DENND2B: variants seen among roughly 807,000 people sequenced by gnomAD.
DENND2B encodes the protein DENN domain containing 2B, also known as DENN domain-containing protein 2B.
DENND2B carries 32 observed loss-of-function variants against 116.0 expected under a neutral mutation model. The ratio of observed to expected loss-of-function variants is 0.28; its 90% CI spans 0.21 to 0.37. The LOEUF (loss-of-function observed/expected upper bound fraction) is 0.37, where lower values mean the gene tolerates loss of function less well. Ranked by LOEUF, DENND2B falls within the 10% of genes least tolerant of loss-of-function variation. The pLI, the probability that DENND2B is intolerant of heterozygous loss-of-function variation, is 1.00. For missense variants in DENND2B, 1,276 were observed against 1,477.7 expected (o/e 0.86, Z 2.24); for synonymous variants, 588 against 583.9 (o/e 1.01, Z -0.10).
At chr11:8,872,483 T>C (rs1397383438), upstream of DENND2B, among the ~76,000 whole-genome samples, 1 of 114,494 alleles carries the variant, frequency 8.7e-6, no homozygotes, top group Non-Finnish European at 1.9e-5. Context: ...TGAGACTCCG[T>C]CTAAAAAAAA....
At chr11:8,855,915 C>T (rs746801053) in intron 3 of DENND2B, among the ~76,000 whole-genome samples, 1 of 152,152 alleles carries the variant, frequency 6.6e-6, no homozygotes, top group African/African-American at 2.4e-5. Flanking sequence ...TAGACAGCTG[C>T]CAGATCTACC....
intron 4 of DENND2B, among the ~76,000 whole-genome samples, chr11:8,724,091 C>T (rs992357157): frequency 1.2e-4 from 18 of 152,102 alleles, no homozygotes; most frequent in African/African-American, 2.2e-4. Context: ...GCCAGGAGAT[C>T]GAGACCATCC....
chr11:8,881,696 T>C (rs1566080735), intron 1 of DENND2B, among the ~76,000 whole-genome samples: 1 of 152,042 alleles, frequency 6.6e-6, no homozygotes, highest in Non-Finnish European at 1.5e-5. Flanking sequence ...GCCATCACAG[T>C]TGGCTGGCTA....
At position 8,730,894 on chromosome 11, in the gene DENND2B, G is replaced by A. The variant is rs200633577; in HGVS notation, c.396C>T (p.Leu132=). 237 of 1,613,912 alleles carry A rather than the reference G, an allele frequency of 1.5e-4. 2 individuals carry two copies. Among genetic ancestry groups the A allele is most frequent in the Admixed American group, 1.4e-3 (86 of 60,012 alleles). ...GGAATGGCGTGCTCTGGGCAAGGGG[G>A]AGGCAGGCAGCGACCCCTGCTACAT... The part of the protein sequence containing the change: ...AQDVAGVAAC[L]PLAQSTPFPG... The change falls in exon 3 of 20, where the codon CTC becomes CTT. Residue 132 remains leucine, a synonymous_variant. Transcript: ENST00000313726. The surrounding 1 kb of genome is among the most constrained non-coding windows in gnomAD (Gnocchi z 4.1).
At chr11:8,741,887 G>A (rs1250160925) in intron 2 of DENND2B, among the ~76,000 whole-genome samples, 1 of 151,364 alleles carries the variant, frequency 6.6e-6, no homozygotes, top group Non-Finnish European at 1.5e-5. Context: ...AAGCCTTGAA[G>A]TCTTTTACTT....
intron 1 of DENND2B, among the ~76,000 whole-genome samples, chr11:8,896,883 A>G (rs191878880): frequency 2.0e-5 from 3 of 152,354 alleles, no homozygotes; most frequent in Non-Finnish European, 2.9e-5. Flanking sequence ...TTATCAGGAT[A>G]TAACTCCTTC....
chr11:8,897,010 G>A (rs1055138667), intron 1 of DENND2B, among the ~76,000 whole-genome samples: 17 of 152,278 alleles, frequency 1.1e-4, no homozygotes, highest in African/African-American at 3.4e-4. Context: ...AGGCCAAGGC[G>A]GGTGGATCAC....
intron 2 of DENND2B, among the ~76,000 whole-genome samples, chr11:8,858,024 T>C (rs768445812): frequency 6.6e-6 from 1 of 152,218 alleles, no homozygotes; most frequent in African/African-American, 2.4e-5. Flanking sequence ...AATTACACAG[T>C]GCATTCATTC....
chr11:8,806,636 A>ACACACACACACACACACACACACC (rs1426363936), intron 1 of DENND2B, among the ~76,000 whole-genome samples: 1 of 151,712 alleles, frequency 6.6e-6, no homozygotes, highest in Non-Finnish European at 1.5e-5. Flanking sequence ...ACACACACAC[A>ACACACACACACACACACACACACC]CACCCAGGAG....
chr11:8,764,013 C>A (rs1331727108), intron 1 of DENND2B, among the ~76,000 whole-genome samples: 2 of 151,976 alleles, frequency 1.3e-5, no homozygotes, highest in Non-Finnish European at 2.9e-5. Flanking sequence ...CACTTGAGGT[C>A]AGGAGTTTGA....
intron 1 of DENND2B, among the ~76,000 whole-genome samples, chr11:8,756,645 C>G (rs2053655520): frequency 6.6e-6 from 1 of 152,214 alleles, no homozygotes; most frequent in African/African-American, 2.4e-5. Flanking sequence ...GAGCTGAAGG[C>G]CAGGTTAACC....
At chr11:8,756,803 A>G (rs1458783906) in intron 1 of DENND2B, among the ~76,000 whole-genome samples, 1 of 152,144 alleles carries the variant, frequency 6.6e-6, no homozygotes, top group African/African-American at 2.4e-5. Context: ...GGGAGAGAAG[A>G]CACTCCTAAA....
intron 4 of DENND2B, among the ~76,000 whole-genome samples, chr11:8,829,028 T>C (rs2062092361): frequency 6.8e-6 from 1 of 147,056 alleles, no homozygotes; most frequent in Admixed American, 6.8e-5. Flanking sequence ...GTGTTGTGCG[T>C]GTGTGTGTAT....
chr11:8,839,094 A>G (rs2062533759), intron 4 of DENND2B, among the ~76,000 whole-genome samples: 1 of 152,246 alleles, frequency 6.6e-6, no homozygotes, highest in Non-Finnish European at 1.5e-5. Flanking sequence ...ATGGATACTA[A>G]TTTGGCCTAA....
At chr11:8,774,332 A>G (rs2057337587) in intron 1 of DENND2B, 1 of 985,234 alleles carries the variant, frequency 1.0e-6, no homozygotes, top group Admixed American at 6.1e-5. Flanking sequence ...CCTTATAGCA[A>G]GTTCTGACTA....
At chr11:8,698,057 C>T (rs1471618107) in intron 16 of DENND2B, 3 of 355,732 alleles carry the variant, frequency 8.4e-6, no homozygotes, top group Non-Finnish European at 1.6e-5. Context: ...GGAGGATCAC[C>T]TGAGCCCAGG....
At position 8,852,290 on chromosome 11, in the gene DENND2B, C is replaced by T. The variant is rs374268106; in HGVS notation, c.-156+5053G>A. Among the ~76,000 whole-genome samples, 82 of 152,172 alleles carry T rather than the reference C, an allele frequency of 5.4e-4. 3 individuals are homozygous for T. The South Asian group carries it at 0.013, about 25-fold the overall frequency. On this transcript the variant is annotated intron_variant, in intron 3 of 6. Transcript: ENST00000524757. The stretch of plus-strand genomic sequence containing the variant: ...ACATTAAAGGGTGGAATTATCCTGT[C>T]AAAGAAGAATCAATAAAGAGCTTTC...
At chr11:8,781,615 TAC>T (rs35118063) in intron 1 of DENND2B, among the ~76,000 whole-genome samples, 91,057 of 148,732 alleles carry the variant, frequency 0.61, 27,889 homozygotes, top group East Asian at 0.75. Flanking sequence ...AATTTAGGAA[TAC>T]ACACACACAC....
intron 3 of DENND2B, among the ~76,000 whole-genome samples, chr11:8,851,129 G>C (rs2062991604): frequency 3.3e-5 from 5 of 152,062 alleles, no homozygotes. Context: ...GGCAACTATA[G>C]TTAATAACAA....
Sources: allele counts gnomAD v4.1 joint callset (sites outside exome capture counted in the v4.1 genomes callset), GRCh38; gene constraint gnomAD v4.1.1; non-coding constraint Gnocchi (gnomAD v3.1); transcripts MANE v1.5; gene names NCBI Gene and HGNC (gene_info 2026-07-23, HGNC 2026-07-21).